Variants in CEP128 observed in about 807,000 individuals in gnomAD.
The protein encoded by CEP128 is centrosomal protein 128kDa.
In CEP128, 132 loss-of-function variants were observed where a neutral mutation model predicts 156.7. The ratio of observed to expected loss-of-function variants is 0.84; its 90% CI spans 0.73 to 0.97. CEP128 has a LOEUF of 0.97. Ranked by LOEUF, CEP128 falls within the 50% of genes least tolerant of loss-of-function variation. The pLI, the probability that CEP128 is intolerant of heterozygous loss-of-function variation, is 0.00. For synonymous variants in CEP128, 469 were observed against 448.9 expected, an observed-to-expected ratio of 1.04 and a Z score of -0.57; for missense variants, 1,252 against 1,281.9, an observed-to-expected ratio of 0.98 and a Z score of 0.36.
At chr14:80,584,443 G>A (rs1006161379) in intron 19 of CEP128, among the ~76,000 whole-genome samples, 13 of 152,020 alleles carry the variant, frequency 8.6e-5, no homozygotes, top group African/African-American at 2.4e-4. Context: ...ACTGCCTCTG[G>A]CCCATCCATA....
intron 10 of CEP128, among the ~76,000 whole-genome samples, chr14:80,840,004 G>A (rs1409479475): frequency 1.3e-5 from 2 of 152,094 alleles, no homozygotes; most frequent in Non-Finnish European, 2.9e-5. Flanking sequence ...TACCCTAAAA[G>A]CAGCAGGGAA....
At chr14:80,586,478 T>A (rs1379632970) in intron 19 of CEP128, among the ~76,000 whole-genome samples, 1 of 152,148 alleles carries the variant, frequency 6.6e-6, no homozygotes, top group African/African-American at 2.4e-5. Context: ...GTCCAGTACT[T>A]TTTTTTTCTT....
chr14:80,672,420 A>C (rs72690941), intron 19 of CEP128, among the ~76,000 whole-genome samples: 19,864 of 152,220 alleles, frequency 0.13, 1,586 homozygotes, highest in Non-Finnish European at 0.2. Context: ...GAAATAATCT[A>C]ATTTCTATAA....
At position 80,614,601 on chromosome 14, in the gene CEP128, A is replaced by G. The variant is rs183010629; in HGVS notation, c.2807-34178T>C. On this transcript the variant is annotated intron_variant, in intron 19 of 24. Transcript: ENST00000555265. ...TCATGTCCTACCTCCAACCATAAAA[A>G]ACCCTGTCCCACCCAGGTAGCCTGC... Among the ~76,000 whole-genome samples the G allele has an allele frequency of 3.3e-5, 5 of 152,186 alleles. No individual in the cohort carries two copies. The East Asian group carries it at 9.6e-4, about 29-fold the overall frequency.
chr14:80,910,562 G>C (rs1284550364), intron 4 of CEP128, among the ~76,000 whole-genome samples: 3 of 152,134 alleles, frequency 2.0e-5, no homozygotes, highest in Admixed American at 2.0e-4. Context: ...CGTTTCCTGA[G>C]TCCTCCTAGA....
intron 13 of CEP128, among the ~76,000 whole-genome samples, chr14:80,816,357 A>G (rs1884857888): frequency 6.6e-6 from 1 of 152,176 alleles, no homozygotes; most frequent in African/African-American, 2.4e-5. Flanking sequence ...CATTCCAGGA[A>G]GACAGAGCTA....
At chr14:80,755,208 T>C (rs549653923) in intron 18 of CEP128, among the ~76,000 whole-genome samples, 116 of 152,284 alleles carry the variant, frequency 7.6e-4, no homozygotes, top group African/African-American at 2.5e-3. Context: ...CCTTGAACAT[T>C]GGACTCCAAG....
intron 19 of CEP128, among the ~76,000 whole-genome samples, chr14:80,632,192 C>G (rs932102415): frequency 6.6e-6 from 1 of 151,886 alleles, no homozygotes; most frequent in Non-Finnish European, 1.5e-5. Flanking sequence ...CAGTATTTTT[C>G]TTTTTAGTTT....
At chr14:80,823,491 A>G in intron 13 of CEP128, among the ~76,000 whole-genome samples, 1 of 152,178 alleles carries the variant, frequency 6.6e-6, no homozygotes, top group Non-Finnish European at 1.5e-5. Context: ...TCCACTGAAG[A>G]AGGGAATTTG....
intron 13 of CEP128, among the ~76,000 whole-genome samples, chr14:80,801,022 A>T (rs554057746): frequency 5.9e-5 from 9 of 152,362 alleles, no homozygotes; most frequent in African/African-American, 2.2e-4. Flanking sequence ...ACCAAAAAAC[A>T]TATGGGCAAC....
chr14:80,836,058 T>C (rs1886057355), intron 12 of CEP128, 147 bp downstream of exon 12: 2 of 790,766 alleles, frequency 2.5e-6, no homozygotes, highest in South Asian at 3.7e-5. Context: ...TATTATCAAC[T>C]TATCAGAAAA....
At chr14:80,756,382 C>T (rs1294321455) in intron 18 of CEP128, among the ~76,000 whole-genome samples, 2 of 152,172 alleles carry the variant, frequency 1.3e-5, no homozygotes, top group African/African-American at 4.8e-5. Flanking sequence ...TCCATCACCT[C>T]CCACCCATGT....
At position 80,831,246 on chromosome 14, in the gene CEP128, C is replaced by G; in HGVS notation, c.1106G>C (p.Arg369Thr). The change falls in exon 13 of 25, where the codon AGA becomes ACA. Residue 369 changes from arginine (R) to threonine (T), a missense_variant. By Grantham distance (71) the Arg-to-Thr change is moderately conservative. Transcript: ENST00000555265. ...QDLEKQMSDLRVQLNFSAMAS... is the reference protein window; with the variant it reads ...QDLEKQMSDLTVQLNFSAMAS... ...CATTGCGCTGAAGTTCAGCTGCACT[C>G]TCAAATCTGACATTTGCTTCTCCAG... 9 of 1,614,072 alleles carry G rather than the reference C, an allele frequency of 5.6e-6. No homozygotes were observed. The highest frequency in any genetic ancestry group is 7.6e-6 in the Non-Finnish European group (9 of 1,179,970).
intron 2 of CEP128, among the ~76,000 whole-genome samples, chr14:80,920,083 AAGTT>A (rs1276452075): frequency 1.3e-5 from 2 of 152,210 alleles, no homozygotes; most frequent in African/African-American, 2.4e-5. Context: ...TAAAAAATAA[AAGTT>A]AGATTATTTA....
chr14:80,890,609 C>T (rs1356792748), intron 8 of CEP128, among the ~76,000 whole-genome samples: 1 of 151,974 alleles, frequency 6.6e-6, no homozygotes, highest in Non-Finnish European at 1.5e-5. Context: ...GAGAACATCA[C>T]ACACTGGGGC....
intron 19 of CEP128, among the ~76,000 whole-genome samples, chr14:80,712,947 A>G (rs1384479360): frequency 2.0e-5 from 3 of 152,174 alleles, no homozygotes; most frequent in Admixed American, 6.5e-5. Context: ...GTAAAATACT[A>G]GGTTGAATCA....
chr14:80,778,078 C>T (rs760729287), intron 15 of CEP128, 32 bp from the exon 16 acceptor site: 17 of 1,599,336 alleles, frequency 1.1e-5, no homozygotes, highest in Non-Finnish European at 1.2e-5. Context: ...AACAGAAAGT[C>T]CACTAGCCAT....
chr14:80,514,570 T>C (rs2140227850), intron 23 of CEP128: 1 of 228,636 alleles, frequency 4.4e-6, no homozygotes, highest in Non-Finnish European at 9.4e-6. Flanking sequence ...GCTTGATTTT[T>C]TAATATTATT....
intron 2 of CEP128, among the ~76,000 whole-genome samples, chr14:80,921,099 T>C (rs1255114873): frequency 1.3e-5 from 2 of 152,214 alleles, no homozygotes; most frequent in African/African-American, 4.8e-5. Context: ...GAACATTTAA[T>C]GACAAAGCAC....
Sources: gnomAD v4.1 joint callset for allele counts (sites outside exome capture counted in the v4.1 genomes callset) on GRCh38, gnomAD v4.1.1 for gene constraint, MANE v1.5 for transcripts, NCBI Gene and HGNC (gene_info 2026-07-23, HGNC 2026-07-21) for gene names.